The following LGR5 variants were observed in gnomAD, a reference collection of about 807,000 sequenced individuals.
The protein encoded by LGR5 is leucine-rich repeat-containing G protein-coupled receptor 5.
Under a neutral mutation model 76.7 loss-of-function variants are expected in LGR5, and 54 were observed. The ratio of observed to expected loss-of-function variants is 0.70; its 90% CI spans 0.57 to 0.88. LGR5 has a LOEUF of 0.88. LGR5 is among the 40% of genes least tolerant of loss of function. The pLI is 0.00. For missense variants in LGR5, 1,078 were observed against 1,073.3 expected (o/e 1.00, Z -0.06); for synonymous variants, 406 against 421.9 (o/e 0.96, Z 0.46).
At chr12:71,577,173 ATT>A (rs1592563170) in intron 13 of LGR5, among the ~76,000 whole-genome samples, 1 of 152,198 alleles carries the variant, frequency 6.6e-6, no homozygotes, top group East Asian at 1.9e-4. Context: ...CTTAGTTACC[ATT>A]GTTAGTCATT....
In LGR5 at chr12:71,440,063, C is replaced by G; in HGVS notation, c.-18C>G. 6.3e-7 allele frequency: 1 copy of G among 1,597,474 alleles called. No individual in the cohort carries two copies. Among genetic ancestry groups the G allele is most frequent in the African/African-American group, 1.3e-5 (1 of 74,894 alleles). ...CTCTCCGCCCGCGTCCGGCTCGTGG[C>G]CCCCTACTTCGGGCACCATGGACAC... On this transcript the variant is annotated 5_prime_UTR_variant, in exon 1 of 18. Transcript: ENST00000266674. This position sits in a 1 kb window ranked among gnomAD's most constrained non-coding sequence, Gnocchi z 5.3.
At chr12:71,496,884 A>G (rs1261853739) in intron 1 of LGR5, among the ~76,000 whole-genome samples, 1 of 152,166 alleles carries the variant, frequency 6.6e-6, no homozygotes, top group East Asian at 1.9e-4. Context: ...CAAAACTAAT[A>G]TGAAACGTTA....
chr12:71,580,623 C>T (rs1879050934), intron 16 of LGR5, among the ~76,000 whole-genome samples, 200 bp downstream of exon 16: 1 of 152,046 alleles, frequency 6.6e-6, no homozygotes, highest in Non-Finnish European at 1.5e-5. Context: ...TGGTGAAACC[C>T]CTATCTCTGC....
chr12:71,459,523 A>G (rs1380441891), intron 1 of LGR5, among the ~76,000 whole-genome samples: 2 of 152,096 alleles, frequency 1.3e-5, no homozygotes, highest in Non-Finnish European at 2.9e-5. Flanking sequence ...TTTGTTCACA[A>G]GGGGGAGCTG....
chr12:71,548,551 A>G (rs1841158542), intron 4 of LGR5, among the ~76,000 whole-genome samples: 1 of 152,202 alleles, frequency 6.6e-6, no homozygotes, highest in African/African-American at 2.4e-5. Flanking sequence ...AATGGTTTCA[A>G]TGGTCAAAAG....
Position 71,571,627 on chromosome 12 carries a change from A to T in LGR5, c.1136+48A>T, listed in dbSNP as rs771119889. 21 of 1,373,280 alleles carry T rather than the reference A, an allele frequency of 1.5e-5. No homozygotes were observed. The East Asian group carries it at 4.3e-4, about 28-fold the overall frequency. The allele number at this position is 1,373,280 out of a possible 1,614,324, so 85.1% of individuals were successfully genotyped here. A position where few individuals can be genotyped will look rare whatever the true frequency, so the allele number is the denominator to read the frequency against. On this transcript the variant is annotated intron_variant, in intron 12 of 17. Coordinates refer to ENST00000266674, the MANE Select transcript of LGR5 (RefSeq NM_003667.4). ...CACCTAGCAAAAATCAAGAATCAAA[A>T]CTCACATTTCTCAGGGTCACTGGTT... is the stretch of plus-strand genomic sequence containing the variant.
At chr12:71,581,395 C>G (rs966485765) in intron 16 of LGR5, among the ~76,000 whole-genome samples, 3 of 152,224 alleles carry the variant, frequency 2.0e-5, no homozygotes, top group African/African-American at 7.2e-5. Flanking sequence ...GGCACCACCC[C>G]CTGCCTTCCC....
intron 1 of LGR5, among the ~76,000 whole-genome samples, chr12:71,459,849 G>A (rs1439329095): frequency 6.6e-6 from 1 of 151,840 alleles, no homozygotes; most frequent in Non-Finnish European, 1.5e-5. Context: ...TATTGATATT[G>A]TTATAAATAA....
intron 1 of LGR5, among the ~76,000 whole-genome samples, chr12:71,446,317 A>G (rs1449540933): frequency 6.6e-6 from 1 of 152,226 alleles, no homozygotes; most frequent in African/African-American, 2.4e-5. Context: ...TGTTTATTTT[A>G]ACACATGCCA....
chr12:71,538,958 T>G (rs1188505504), intron 4 of LGR5, among the ~76,000 whole-genome samples: 1 of 152,206 alleles, frequency 6.6e-6, no homozygotes, highest in Admixed American at 6.5e-5. Context: ...TCAGGCATTG[T>G]CTTATTTGTG....
chr12:71,449,010 C>T (rs148205699), intron 1 of LGR5, among the ~76,000 whole-genome samples: 4 of 152,266 alleles, frequency 2.6e-5, no homozygotes, highest in African/African-American at 7.2e-5. Context: ...AAGAAATTTG[C>T]GACCCAAGGG....
chr12:71,525,010 C>T (rs988045754), intron 3 of LGR5, among the ~76,000 whole-genome samples: 3 of 152,116 alleles, frequency 2.0e-5, no homozygotes, highest in Admixed American at 6.5e-5. Flanking sequence ...TGAGGTTTCT[C>T]ATTATTTAAT....
intron 3 of LGR5, among the ~76,000 whole-genome samples, chr12:71,533,165 T>C (rs963018090): frequency 1.3e-5 from 2 of 151,994 alleles, no homozygotes; most frequent in Admixed American, 1.3e-4. Flanking sequence ...GCCAACATGG[T>C]GAAACCCCAT....
In LGR5 at chr12:71,584,657, A is replaced by G; in HGVS notation, c.2647A>G (p.Ser883Gly). The change falls in exon 18 of 18, where the codon AGT becomes GGT. Residue 883 changes from serine to glycine, a missense_variant. By Grantham distance (56) the Ser-to-Gly change is moderately conservative. Coordinates refer to ENST00000266674, the MANE Select transcript of LGR5 (RefSeq NM_003667.4). ...SSSITYDLPP[S>G]SVPSPAYPVT... is the part of the protein sequence containing the mutation. ...CAGCATCACTTATGACCTGCCTCCC[A>G]GTTCCGTGCCATCACCAGCTTATCC... 1 of 1,614,172 alleles carries G rather than the reference A, an allele frequency of 6.2e-7. No individual in the cohort carries two copies. The highest frequency in any genetic ancestry group is 8.5e-7 in the Non-Finnish European group (1 of 1,180,022).
chr12:71,475,573 C>T (rs1873295324), intron 1 of LGR5, among the ~76,000 whole-genome samples: 1 of 152,098 alleles, frequency 6.6e-6, no homozygotes, highest in African/African-American at 2.4e-5. Flanking sequence ...TGCAGAACAG[C>T]CTGCTCTCTT....
chr12:71,439,165 A>G (rs757294904), upstream of LGR5, among the ~76,000 whole-genome samples: 11 of 152,200 alleles, frequency 7.2e-5, no homozygotes, highest in Admixed American at 1.3e-4. Flanking sequence ...ATAGGAAGGC[A>G]GCAGTGGAGT....
chr12:71,580,281 T>C lies in LGR5; in HGVS notation c.1410T>C (p.Val470=). The change falls in exon 16 of 18, where the codon GTT becomes GTC. Residue 470 remains valine (V), a synonymous_variant. Coordinates refer to ENST00000266674, the MANE Select transcript of LGR5 (RefSeq NM_003667.4). The part of the protein sequence containing the change: ...ISSENFPELK[V]IEMPYAYQCC... ...TTTGGGTTTTGTTCATTTAAAGGGT[T>C]ATAGAAATGCCTTATGCTTACCAGT... The C allele has an allele frequency of 6.2e-7, 1 of 1,610,226 alleles. No homozygotes were observed. Among genetic ancestry groups the C allele is most frequent in the South Asian group, 1.1e-5 (1 of 90,134 alleles).
intron 3 of LGR5, among the ~76,000 whole-genome samples, chr12:71,527,970 C>T (rs948972655): frequency 2.0e-5 from 3 of 152,194 alleles, no homozygotes. Context: ...TCCATACCAA[C>T]TATAAATCAG....
At chr12:71,452,951 T>C (rs966984694) in intron 1 of LGR5, among the ~76,000 whole-genome samples, 21 of 152,246 alleles carry the variant, frequency 1.4e-4, no homozygotes, top group Admixed American at 1.2e-3. Flanking sequence ...ATGGTGCAGT[T>C]ATTATCACAC....
Sources: allele counts gnomAD v4.1 joint callset (sites outside exome capture counted in the v4.1 genomes callset), GRCh38; gene constraint gnomAD v4.1.1; non-coding constraint Gnocchi (gnomAD v3.1); transcripts MANE v1.5; gene names NCBI Gene and HGNC (gene_info 2026-07-23, HGNC 2026-07-21).